The following UGT2B15 variants were observed in gnomAD, a reference collection of about 807,000 sequenced individuals.
UGT2B15 encodes UDP glucuronosyltransferase family 2 member B15.
Under a neutral mutation model 45.9 loss-of-function variants are expected in UGT2B15, and 36 were observed. The ratio of observed to expected loss-of-function variants is 0.78; its 90% CI spans 0.60 to 1.04. The LOEUF (loss-of-function observed/expected upper bound fraction) is 1.04. UGT2B15 is among the 50% of genes least tolerant of loss of function. The pLI is 0.00. For synonymous variants in UGT2B15, 219 were observed against 216.4 expected (o/e 1.01, Z -0.11); for missense variants, 617 against 622.4 (o/e 0.99, Z 0.09).
At chr4:68,651,332 G>A (rs1471859801) in intron 5 of UGT2B15, among the ~76,000 whole-genome samples, 1 of 152,156 alleles carries the variant, frequency 6.6e-6, no homozygotes. Flanking sequence ...TTTTGTATAA[G>A]GTGTAAGGCA....
At chr4:68,656,769 C>A (rs1190211140) in intron 3 of UGT2B15, among the ~76,000 whole-genome samples, 1 of 151,898 alleles carries the variant, frequency 6.6e-6, no homozygotes, top group Non-Finnish European at 1.5e-5. Context: ...TGTCTGTTTT[C>A]TTTGTGGAGT....
At position 68,670,020 on chromosome 4, in the gene UGT2B15, G is replaced by C. The variant is rs1329524939; in HGVS notation, c.599C>G (p.Ser200Ter). The change falls in exon 1 of 6, where the codon TCA becomes TGA. Residue 200 changes from serine (S) to a stop codon, truncating the protein, a stop_gained. Transcript: ENST00000338206. LOFTEE classifies it high-confidence loss of function. ...FPPSYVPVVM[S>*]ELSDQMIFME... ...GAAAATCATTTGATCACTTAATTCT[G>C]ACATAACAACAGGTACATAGGAAGG... 2 of 1,613,912 alleles carry C rather than the reference G, an allele frequency of 1.2e-6. No homozygotes were observed. Among genetic ancestry groups the C allele is most frequent in the Non-Finnish European group, 1.7e-6 (2 of 1,179,942 alleles).
At chr4:68,652,341 T>G (rs967484197) in intron 5 of UGT2B15, among the ~76,000 whole-genome samples, 1 of 152,038 alleles carries the variant, frequency 6.6e-6, no homozygotes, top group Non-Finnish European at 1.5e-5. Flanking sequence ...CAATTTAACT[T>G]CTTCCCTTCC....
rs373304965 is a variant in UGT2B15 at position 68,670,094 on chromosome 4, G to T, written c.525C>A (p.Phe175Leu). ...TCTTCTCAAATGTGTAGCCAACAGA[G>T]AATCGAAGACTGTACAGAAAGGGTA... The part of the protein sequence containing the change: ...FNIPFLYSLR[F>L]SVGYTFEKNG... The change falls in exon 1 of 6, where the codon TTC (phenylalanine) becomes TTA (leucine). Residue 175 changes from phenylalanine to leucine, a missense_variant. By Grantham distance (22) the Phe-to-Leu change is conservative. Transcript: ENST00000338206. 2.5e-6 allele frequency: 4 copies of T among 1,613,980 alleles called. 1 individual carries two copies. In the African/African-American group the frequency reaches 5.3e-5, roughly 22 times the overall value.
chr4:68,658,430 T>C (rs1423406797), intron 3 of UGT2B15, among the ~76,000 whole-genome samples: 4 of 152,102 alleles, frequency 2.6e-5, no homozygotes, highest in Admixed American at 1.3e-4. Context: ...CTTAAGAATT[T>C]CCAGCATATA....
At chr4:68,654,298 T>C in intron 4 of UGT2B15, 42 bp from the exon 5 acceptor site, 3 of 1,595,372 alleles carry the variant, frequency 1.9e-6, no homozygotes. Context: ...AATTACAAGG[T>C]ATGAGAATTG....
chr4:68,650,440 C>T (rs892270429), intron 5 of UGT2B15, among the ~76,000 whole-genome samples: 11 of 152,032 alleles, frequency 7.2e-5, no homozygotes, highest in Admixed American at 2.0e-4. Flanking sequence ...CGGATAATGG[C>T]TTTGCATTTC....
chr4:68,660,949 G>T (rs1227813571), intron 3 of UGT2B15, among the ~76,000 whole-genome samples: 1 of 151,726 alleles, frequency 6.6e-6, no homozygotes, highest in Non-Finnish European at 1.5e-5. Flanking sequence ...TAATTTTCAA[G>T]GATTTTTCTT....
rs763728778 is a variant in UGT2B15 at position 68,669,944 on chromosome 4, A to T, written c.675T>A (p.Phe225Leu). 11 of 1,613,010 alleles carry T rather than the reference A, an allele frequency of 6.8e-6. No individual in the cohort carries two copies. The highest frequency in any genetic ancestry group is 9.3e-6 in the Non-Finnish European group (11 of 1,179,814). ...MIHMLYFDFW[F>L]QIYDLKKWDQ... ...CCCACTTCTTCAGATCATAAATTTG[A>T]AACCAAAAGTCAAAATAAAGCATAT... is the stretch of plus-strand genomic sequence containing the variant. The change falls in exon 1 of 6, where the codon TTT becomes TTA. Residue 225 changes from phenylalanine to leucine, a missense_variant. Physicochemically the swap from Phe to Leu is conservative, Grantham distance 22. Transcript: ENST00000338206.
At chr4:68,667,064 C>T (rs1733152575) in intron 2 of UGT2B15, among the ~76,000 whole-genome samples, 1 of 151,880 alleles carries the variant, frequency 6.6e-6, no homozygotes, top group African/African-American at 2.4e-5. Flanking sequence ...GACTTTTACT[C>T]AACCTTTTCC....
intron 3 of UGT2B15, among the ~76,000 whole-genome samples, chr4:68,659,734 G>A (rs1732908174): frequency 6.6e-6 from 1 of 151,780 alleles, no homozygotes; most frequent in African/African-American, 2.4e-5. Context: ...AATTCTAACA[G>A]GTGCTCTTGA....
chr4:68,649,740 C>T (rs1448131535), intron 5 of UGT2B15, among the ~76,000 whole-genome samples: 1 of 151,962 alleles, frequency 6.6e-6, no homozygotes, highest in Non-Finnish European at 1.5e-5. Flanking sequence ...TGTTTTATCT[C>T]CTTAAATAAA....
chr4:68,649,366 T>C (rs879509482), intron 5 of UGT2B15, among the ~76,000 whole-genome samples: 6 of 141,722 alleles, frequency 4.2e-5, no homozygotes, highest in Non-Finnish European at 7.5e-5. Flanking sequence ...GCAATTTGCA[T>C]CTCCTGGGTT....
At chr4:68,653,990 C>A in intron 5 of UGT2B15, 47 bp downstream of exon 5, 1 of 1,597,322 alleles carries the variant, frequency 6.3e-7, no homozygotes, top group Admixed American at 1.7e-5. Flanking sequence ...TCACTGTTGA[C>A]AAAATAATTT....
intron 5 of UGT2B15, among the ~76,000 whole-genome samples, chr4:68,652,220 T>C (rs1578194515): frequency 1.3e-5 from 2 of 152,096 alleles, no homozygotes; most frequent in African/African-American, 4.8e-5. Context: ...TTTTTGCATA[T>C]TGATTTTTGT....
At chr4:68,658,339 A>C (rs1732870285) in intron 3 of UGT2B15, among the ~76,000 whole-genome samples, 1 of 152,108 alleles carries the variant, frequency 6.6e-6, no homozygotes, top group African/African-American at 2.4e-5. Context: ...TGCTTTTTCA[A>C]GTTTATGTAA....
intron 5 of UGT2B15, among the ~76,000 whole-genome samples, chr4:68,651,837 A>T (rs150020494): frequency 0.01 from 1,548 of 152,060 alleles, 36 homozygotes; most frequent in African/African-American, 0.033. Flanking sequence ...TTTGCTTAGG[A>T]TTGCCTTGGT....
At position 68,647,190 on chromosome 4, in the gene UGT2B15, C is replaced by T. The variant is rs370288795; in HGVS notation, c.1507G>A (p.Ala503Thr). Reference sequence around the variant, plus strand: ...TTTGTGATGATAAATATCACAGTTGCCACGCAGGCCAGCAGGAATGCTATC... The same window carrying T: ...TTTGTGATGATAAATATCACAGTTGTCACGCAGGCCAGCAGGAATGCTATC... ...DVIAFLLACV[A>T]TVIFIITKFC... Residue 503 changes from alanine (A) to threonine (T), a missense_variant, in exon 6 of 6, where the codon GCA becomes ACA. Transcript: ENST00000338206. 99 of 1,613,750 alleles carry T rather than the reference C, an allele frequency of 6.1e-5. No individual in the cohort carries two copies. The highest frequency in any genetic ancestry group is 8.1e-5 in the Non-Finnish European group (95 of 1,179,910).
intron 2 of UGT2B15, among the ~76,000 whole-genome samples, chr4:68,664,426 T>C (rs1444369796): frequency 6.6e-6 from 1 of 152,128 alleles, no homozygotes; most frequent in Non-Finnish European, 1.5e-5. Context: ...CCTTCTGTCA[T>C]AACAAATATA....
Sources: gnomAD v4.1 joint callset for allele counts (sites outside exome capture counted in the v4.1 genomes callset) on GRCh38, gnomAD v4.1.1 for gene constraint, MANE v1.5 for transcripts, NCBI Gene and HGNC (gene_info 2026-07-23, HGNC 2026-07-21) for gene names.